Variants in DISP1 observed in about 807,000 individuals in gnomAD.
DISP1 encodes the protein dispatched RND transporter family member 1.
A neutral mutation model predicts 37.3 loss-of-function variants in DISP1; 30 were observed. The observed-to-expected ratio is 0.80, with a 90% CI of 0.60 to 1.09. The LOEUF is 1.09. Ranked by LOEUF, DISP1 falls within the 50% of genes least tolerant of loss-of-function variation. DISP1 has a pLI of 0.00. For missense variants in DISP1, 1,598 were observed against 1,879.5 expected (o/e 0.85, Z 2.77); for synonymous variants, 634 against 690.2 (o/e 0.92, Z 1.28).
intron 1 of DISP1, among the ~76,000 whole-genome samples, chr1:222,922,863 G>A (rs1397875279): frequency 6.6e-6 from 1 of 152,242 alleles, no homozygotes; most frequent in Non-Finnish European, 1.5e-5. Context: ...TAAAGAGATA[G>A]AGAATGTTAG....
intron 4 of DISP1, among the ~76,000 whole-genome samples, chr1:222,984,087 A>AT (rs983074970): frequency 7.2e-5 from 11 of 152,054 alleles, no homozygotes; most frequent in African/African-American, 2.7e-4. Context: ...TTTAAAAAAA[A>AT]ATATATTTTT....
chr1:222,891,060 G>A (rs1016994704), intron 1 of DISP1, among the ~76,000 whole-genome samples: 1 of 152,082 alleles, frequency 6.6e-6, no homozygotes, highest in Non-Finnish European at 1.5e-5. Context: ...TGAATTTGAG[G>A]GGGACATAAT....
At chr1:222,919,285 C>T (rs1480238797) in intron 1 of DISP1, among the ~76,000 whole-genome samples, 3 of 152,194 alleles carry the variant, frequency 2.0e-5, no homozygotes, top group Non-Finnish European at 4.4e-5. Flanking sequence ...AGAATGTTGG[C>T]AAACTGACAA....
chr1:222,875,538 G>T (rs1476819987), intron 1 of DISP1, among the ~76,000 whole-genome samples: 2 of 151,432 alleles, frequency 1.3e-5, no homozygotes, highest in East Asian at 1.9e-4. Flanking sequence ...CATCAGAAAG[G>T]TCTGGTGTGG....
intron 1 of DISP1, among the ~76,000 whole-genome samples, chr1:222,848,721 G>C (rs1462753632): frequency 1.3e-5 from 2 of 152,130 alleles, no homozygotes; most frequent in Non-Finnish European, 2.9e-5. Context: ...CAGCTCACAG[G>C]CTAGTTGGGG....
At position 222,997,075 on chromosome 1, in the gene DISP1, C is replaced by CTATA. The variant is rs1422820596; in HGVS notation, c.987+2095_987+2096insTATA. Among the ~76,000 whole-genome samples, 509 of 151,562 alleles carry CTATA rather than the reference C, an allele frequency of 3.4e-3. 1 individual carries two copies. Among genetic ancestry groups the CTATA allele is most frequent in the African/African-American group, 0.011 (463 of 41,272 alleles). On this transcript the variant is annotated intron_variant, in intron 8 of 8. Transcript: ENST00000675850. ...CTATATATATATATATATTTGTAAA[C>CTATA]TACCTCAACATGATTTATATAGATA...
At chr1:222,844,428 A>T (rs34344184) in intron 1 of DISP1, among the ~76,000 whole-genome samples, 4,129 of 152,240 alleles carry the variant, frequency 0.027, 118 homozygotes, top group South Asian at 0.083. Flanking sequence ...TTCAAGTATT[A>T]TCTATATCAG....
intron 1 of DISP1, among the ~76,000 whole-genome samples, chr1:222,849,042 T>C (rs1668080575): frequency 6.6e-6 from 1 of 152,204 alleles, no homozygotes; most frequent in African/African-American, 2.4e-5. Flanking sequence ...ATGTATTCCA[T>C]GTGTAGTCCT....
chr1:222,903,803 A>ATCC (rs1671748441), intron 1 of DISP1, among the ~76,000 whole-genome samples: 1 of 152,216 alleles, frequency 6.6e-6, no homozygotes, highest in Admixed American at 6.5e-5. Flanking sequence ...TATGTATCAG[A>ATCC]TACCTAAGCC....
At chr1:222,990,547 G>T in intron 4 of DISP1, 78 bp from the exon 5 acceptor site, 1 of 1,610,144 alleles carries the variant, frequency 6.2e-7, no homozygotes, top group Non-Finnish European at 8.5e-7. Flanking sequence ...ATATTTCTGC[G>T]AAGGGCCTTC....
At chr1:222,853,946 A>C (rs1646430914) in intron 1 of DISP1, among the ~76,000 whole-genome samples, 1 of 152,218 alleles carries the variant, frequency 6.6e-6, no homozygotes, top group African/African-American at 2.4e-5. Flanking sequence ...GAATATGCTA[A>C]CTACCCTCAT....
intron 2 of DISP1, 145 bp from the exon 3 acceptor site, chr1:222,942,662 C>T: frequency 1.1e-6 from 1 of 906,642 alleles, no homozygotes; most frequent in South Asian, 1.6e-5. Flanking sequence ...GGTTCCATCA[C>T]AGATGCTGCG....
chr1:222,941,183 C>A (rs2609386), intron 2 of DISP1, among the ~76,000 whole-genome samples: 23,960 of 152,034 alleles, frequency 0.16, 1,951 homozygotes, highest in South Asian at 0.29. Context: ...AGTATATCTA[C>A]CCTACCTCCT....
In DISP1 at chr1:223,005,001, TG is replaced by T; in HGVS notation, c.3605del (p.Cys1202SerfsTer26). ...YELEPLASHS[C>X]TAPEKTTYEE... ...ATTAGAACCTCTGGCTTCCCACAGC[TG>T]CACTGCCCCTGAGAAGACCACTTAT... On this transcript the variant is annotated frameshift_variant, in exon 9 of 9. Coordinates refer to ENST00000675850, the MANE Select transcript of DISP1 (RefSeq NM_001377229.1). LOFTEE classifies it low-confidence loss of function (END_TRUNC). 1.9e-6 allele frequency: 3 copies of T among 1,614,178 alleles called. No homozygotes were observed. Among genetic ancestry groups the T allele is most frequent in the Non-Finnish European group, 2.5e-6 (3 of 1,180,032 alleles).
At chr1:222,936,858 T>TATATA (rs575475119) in intron 2 of DISP1, among the ~76,000 whole-genome samples, 4 of 64,414 alleles carry the variant, frequency 6.2e-5, no homozygotes, top group Admixed American at 2.4e-4. Flanking sequence ...ATATGATATA[T>TATATA]AATTTATATA....
chr1:222,934,595 T>G (rs913085996), intron 2 of DISP1, among the ~76,000 whole-genome samples: 5 of 152,122 alleles, frequency 3.3e-5, no homozygotes, highest in Non-Finnish European at 7.4e-5. Flanking sequence ...AACCATTTCA[T>G]ATTAAAACAA....
intron 4 of DISP1, among the ~76,000 whole-genome samples, chr1:222,986,902 T>G (rs1678313502): frequency 6.6e-6 from 1 of 152,088 alleles, no homozygotes; most frequent in South Asian, 2.1e-4. Flanking sequence ...TGTCTAAAGA[T>G]TTTCAATATT....
chr1:222,899,251 G>T (rs1011482022), intron 1 of DISP1, among the ~76,000 whole-genome samples: 2 of 152,022 alleles, frequency 1.3e-5, no homozygotes, highest in South Asian at 4.2e-4. Flanking sequence ...GAGGAGTTGT[G>T]GGGGGAGCAA....
chr1:222,900,316 T>G (rs571532835), intron 1 of DISP1, among the ~76,000 whole-genome samples: 82 of 152,306 alleles, frequency 5.4e-4, no homozygotes, highest in Admixed American at 2.8e-3. Flanking sequence ...TACTTGCCTC[T>G]TTTGCTAAGA....
Sources: gnomAD v4.1 joint callset for allele counts (sites outside exome capture counted in the v4.1 genomes callset) on GRCh38, gnomAD v4.1.1 for gene constraint, MANE v1.5 for transcripts, NCBI Gene and HGNC (gene_info 2026-07-23, HGNC 2026-07-21) for gene names.